The following TNRC6B variants were observed in gnomAD, a reference collection of about 807,000 sequenced individuals.
TNRC6B encodes the protein trinucleotide repeat containing adaptor 6B, also known as trinucleotide repeat-containing gene 6B protein.
Under a neutral mutation model 203.6 loss-of-function variants are expected in TNRC6B, and 52 were observed. The ratio of observed to expected loss-of-function variants is 0.26; its 90% CI spans 0.20 to 0.32. The LOEUF is 0.32. Among genes scored for constraint, TNRC6B ranks in the 10% least tolerant of loss-of-function variants. The pLI, the probability that TNRC6B is intolerant of heterozygous loss-of-function variation, is 1.00. For missense variants in TNRC6B, 1,923 were observed against 2,286.2 expected, an observed-to-expected ratio of 0.84 and a Z score of 3.24; for synonymous variants, 838 against 845.7, an observed-to-expected ratio of 0.99 and a Z score of 0.16.
At chr22:40,133,995 A>C (rs1021696012) in intron 3 of TNRC6B, among the ~76,000 whole-genome samples, 2 of 148,326 alleles carry the variant, frequency 1.3e-5, no homozygotes, top group South Asian at 4.3e-4. Flanking sequence ...AAAAAAAAAA[A>C]AACAGGTAAT....
Position 40,265,014 on chromosome 22 carries a change from G to T in TNRC6B, c.784G>T (p.Asp262Tyr). The T allele has an allele frequency of 6.2e-7, 1 of 1,613,986 alleles. No individual in the cohort carries two copies. Among genetic ancestry groups the T allele is most frequent in the South Asian group, 1.1e-5 (1 of 91,062 alleles). The change falls in exon 5 of 23, where the codon GAC becomes TAC. Residue 262 changes from aspartate to tyrosine, a missense_variant. By Grantham distance (160) the Asp-to-Tyr change is radical. Transcript: ENST00000454349. ...NECNLGVWKS[D>Y]PKAKSVQSSN... ...ATGTAATCTTGGGGTCTGGAAATCT[G>T]ACCCTAAGGCTAAATCTGTTCAATC...
intron 1 of TNRC6B, among the ~76,000 whole-genome samples, chr22:40,218,329 T>TTC (rs1555890545): frequency 4.4e-5 from 6 of 135,856 alleles, no homozygotes; most frequent in South Asian, 2.4e-4. Flanking sequence ...CTTTTCTTTT[T>TTC]TTTTTTTTTT....
chr22:40,306,876 TA>T (rs965246166), intron 15 of TNRC6B, among the ~76,000 whole-genome samples: 1 of 152,056 alleles, frequency 6.6e-6, no homozygotes, highest in African/African-American at 2.4e-5. Context: ...TAGTCCCAGC[TA>T]CTCAGGAGGC....
chr22:40,287,772 TC>T (rs1227833210), intron 12 of TNRC6B, among the ~76,000 whole-genome samples: 2 of 152,146 alleles, frequency 1.3e-5, no homozygotes, highest in Non-Finnish European at 2.9e-5. Flanking sequence ...AAATGCCATC[TC>T]TCTCTCTGCA....
chr22:40,080,565 C>T (rs1369152346), intron 1 of TNRC6B, among the ~76,000 whole-genome samples: 1 of 152,244 alleles, frequency 6.6e-6, no homozygotes, highest in East Asian at 1.9e-4. Context: ...ACTCAGCTGC[C>T]ACTCACCTGT....
chr22:40,129,047 C>T (rs886425176), intron 3 of TNRC6B, among the ~76,000 whole-genome samples: 1 of 152,024 alleles, frequency 6.6e-6, no homozygotes, highest in Non-Finnish European at 1.5e-5. Flanking sequence ...CTCTCTGAGA[C>T]GGGGACATTT....
intron 3 of TNRC6B, among the ~76,000 whole-genome samples, chr22:40,254,990 C>T (rs2070248992): frequency 6.6e-6 from 1 of 152,208 alleles, no homozygotes; most frequent in Admixed American, 6.5e-5. Context: ...AGAGCAACCT[C>T]CATGGACCTT....
chr22:40,312,595 C>A lies in TNRC6B; in HGVS notation c.4526C>A (p.Thr1509Lys). The change falls in exon 18 of 23, where the codon ACA becomes AAA. Residue 1509 changes from threonine (T) to lysine (K), a missense_variant. This residue lies in a region of TNRC6B where 159 missense variants were observed against 181.0 expected (regional missense o/e 0.88). Transcript: ENST00000454349. The part of the protein sequence containing the change: ...YVTPGSVLGG[T>K]ATSPIVDTDH... ...ACCCCAGGAAGTGTGCTGGGGGGTA[C>A]AGCCACATCTCCCATTGTAGATACT... 1 of 1,613,998 alleles carries A rather than the reference C, an allele frequency of 6.2e-7. No individual in the cohort carries two copies. The highest frequency in any genetic ancestry group is 8.5e-7 in the Non-Finnish European group (1 of 1,179,980).
intron 3 of TNRC6B, among the ~76,000 whole-genome samples, chr22:40,134,211 A>C (rs560534595): frequency 6.6e-5 from 10 of 152,304 alleles, no homozygotes; most frequent in African/African-American, 2.4e-4. Flanking sequence ...GAGAACCCTA[A>C]AGTCAGGCAA....
rs369379438 is a variant in TNRC6B at position 40,281,191 on chromosome 22, C to G, written c.3484C>G (p.Pro1162Ala). 5.8e-6 allele frequency: 9 copies of G among 1,551,478 alleles called. No individual in the cohort carries two copies. Among genetic ancestry groups the G allele is most frequent in the Non-Finnish European group, 7.8e-6 (9 of 1,146,924 alleles). ...EAPCSPFSPS[P>A]SYKLSPSGST... ...TCCCTGCTCTCCCTTCTCCCCTTCT[C>G]CCAGCTACAAGCTGTCTCCCTCTGG... The change falls in exon 11 of 23, where the codon CCC becomes GCC. Residue 1162 changes from proline to alanine, a missense_variant. Physicochemically the swap from Pro to Ala is conservative, Grantham distance 27 (BLOSUM62 -1). Transcript: ENST00000454349.
intron 1 of TNRC6B, among the ~76,000 whole-genome samples, chr22:40,212,538 C>G (rs139328287): frequency 2.6e-5 from 4 of 152,196 alleles, no homozygotes. Context: ...AGGTTGTGAT[C>G]TCTTGTGTAC....
At chr22:40,102,707 A>G (rs1400005603) in intron 1 of TNRC6B, among the ~76,000 whole-genome samples, 1 of 152,066 alleles carries the variant, frequency 6.6e-6, no homozygotes, top group African/African-American at 2.4e-5. Flanking sequence ...AGAGGCTGAG[A>G]TGGGGAGACT....
chr22:40,285,429 C>T (rs909728755), intron 11 of TNRC6B, among the ~76,000 whole-genome samples: 2 of 152,132 alleles, frequency 1.3e-5, no homozygotes, highest in African/African-American at 2.4e-5. Flanking sequence ...GAACCCTTTC[C>T]GTTTATAGAG....
At position 40,264,818 on chromosome 22, in the gene TNRC6B, C is replaced by T; in HGVS notation, c.588C>T (p.Asp196=). ...IWDKVIVDGS[D]MEEWPCIASK... ...ACAAGGTGATTGTAGACGGGTCTGA[C>T]ATGGAAGAGTGGCCTTGTATTGCCA... is the stretch of plus-strand genomic sequence containing the variant. Residue 196 remains aspartate (D), a synonymous_variant, in exon 5 of 23, where the codon GAC becomes GAT. Transcript: ENST00000454349. The T allele has an allele frequency of 6.2e-7, 1 of 1,613,996 alleles. No homozygotes were observed. Among genetic ancestry groups the T allele is most frequent in the Non-Finnish European group, 8.5e-7 (1 of 1,179,900 alleles).
intron 1 of TNRC6B, among the ~76,000 whole-genome samples, chr22:40,068,250 T>C (rs73418364): frequency 0.049 from 7,511 of 152,248 alleles, 651 homozygotes; most frequent in African/African-American, 0.17. Flanking sequence ...TCACAGTTCC[T>C]TTATAGTGAA....
rs1279771872 is a variant in TNRC6B, at chr22:40,320,719, T to C, written c.4975-371T>C. ...TGGGCAAAGTAGGGGTAAGACAGTG[T>C]TAGAATAGGCTATGAACCAGGTCAG... On this transcript the variant is annotated intron_variant, in intron 21 of 22. Transcript: ENST00000454349. 3.3e-5 allele frequency among the ~76,000 whole-genome samples: 5 copies of C among 152,174 alleles called. No homozygotes were observed. In the South Asian group the frequency reaches 1.0e-3, roughly 32 times the overall value.
chr22:40,176,122 C>CTTT (rs984617603), upstream of TNRC6B, among the ~76,000 whole-genome samples: 2 of 132,002 alleles, frequency 1.5e-5, no homozygotes, highest in Non-Finnish European at 3.3e-5. Flanking sequence ...TTCTCATGCA[C>CTTT]TTTTTTTTTT....
At chr22:40,182,499 A>G (rs766696854) in intron 1 of TNRC6B, among the ~76,000 whole-genome samples, 4 of 152,190 alleles carry the variant, frequency 2.6e-5, no homozygotes, top group Admixed American at 6.5e-5. Flanking sequence ...TGGCCAGAAA[A>G]GGGATTTATT....
intron 1 of TNRC6B, among the ~76,000 whole-genome samples, chr22:40,237,435 C>A (rs373762489): frequency 2.6e-5 from 4 of 152,318 alleles, no homozygotes; most frequent in East Asian, 1.9e-4. Context: ...TCAGCCTCAG[C>A]CTGGTGCCTG....
Sources: allele counts gnomAD v4.1 joint callset (sites outside exome capture counted in the v4.1 genomes callset), GRCh38; gene constraint gnomAD v4.1.1; regional missense constraint gnomAD v4.1.1; transcripts MANE v1.5; gene names NCBI Gene and HGNC (gene_info 2026-07-23, HGNC 2026-07-21).